The following FBXL5 variants were observed in gnomAD, a reference collection of about 807,000 sequenced individuals.
FBXL5 encodes F-box and leucine rich repeat protein 5.
FBXL5 carries 26 observed loss-of-function variants against 78.3 expected under a neutral mutation model. The ratio of observed to expected loss-of-function variants is 0.33; its 90% CI spans 0.24 to 0.46. The LOEUF is 0.46. FBXL5 is among the 20% of genes least tolerant of loss of function. The pLI is 1.00. For synonymous variants in FBXL5, 295 were observed against 282.5 expected, an observed-to-expected ratio of 1.04 and a Z score of -0.45; for missense variants, 710 against 829.2, an observed-to-expected ratio of 0.86 and a Z score of 1.77.
intron 10 of FBXL5, among the ~76,000 whole-genome samples, chr4:15,606,832 A>G (rs1721918664): frequency 6.6e-6 from 1 of 152,232 alleles, no homozygotes; most frequent in South Asian, 2.1e-4. Flanking sequence ...CTCTGGGGTG[A>G]TATCTAGCTT....
intron 9 of FBXL5, among the ~76,000 whole-genome samples, chr4:15,622,106 T>TA (rs370096936): frequency 5.1e-4 from 78 of 152,336 alleles, no homozygotes; most frequent in African/African-American, 1.8e-3. Flanking sequence ...GTGCTGGGAT[T>TA]ACAGGTGTAA....
At chr4:15,654,939 C>T in intron 1 of FBXL5, among the ~76,000 whole-genome samples, 1 of 151,942 alleles carries the variant, frequency 6.6e-6, no homozygotes. Context: ...CCGGTAGCGC[C>T]CCTCCTCAGC....
intron 6 of FBXL5, 132 bp downstream of exon 6, chr4:15,630,534 A>T (rs182345236): frequency 6.9e-6 from 5 of 726,326 alleles, no homozygotes; most frequent in Non-Finnish European, 9.9e-6. Context: ...AAATTTTAAA[A>T]AGTAGTAGGC....
At chr4:15,650,775 G>A (rs1039171215) in intron 1 of FBXL5, among the ~76,000 whole-genome samples, 1 of 149,172 alleles carries the variant, frequency 6.7e-6, no homozygotes, top group Admixed American at 6.8e-5. Flanking sequence ...TGGGATTACA[G>A]GACCCCGCCA....
chr4:15,655,344 C>G lies in FBXL5; in HGVS notation c.-57G>C, dbSNP rs903036267. ...GCGGCCGCCGCCTCTCCATAGACAC[C>G]CTCGCCGCGGGGCAGAGGCGGCGCG... On this transcript the variant is annotated 5_prime_UTR_variant, in exon 1 of 11. Coordinates refer to ENST00000341285, the MANE Select transcript of FBXL5 (RefSeq NM_012161.4). The G allele has an allele frequency of 3.1e-6, 4 of 1,286,832 alleles. No homozygotes were observed. In the African/African-American group the frequency reaches 6.3e-5, roughly 20 times the overall value. The allele number at this position is 1,286,832 out of a possible 1,614,324, so 79.7% of individuals were successfully genotyped here.
intron 10 of FBXL5, among the ~76,000 whole-genome samples, chr4:15,610,377 G>A (rs930733431): frequency 2.0e-5 from 3 of 152,040 alleles, no homozygotes; most frequent in Non-Finnish European, 4.4e-5. Context: ...CCCAAATCAT[G>A]CTTCAATAAG....
chr4:15,662,217 CGT>C (rs1043956129), upstream of FBXL5, among the ~76,000 whole-genome samples: 1 of 152,086 alleles, frequency 6.6e-6, no homozygotes, highest in African/African-American at 2.4e-5. Context: ...GCTGGCTAAA[CGT>C]GGTCCAGAAC....
chr4:15,669,954 A>T (rs1717693190), intron 1 of FBXL5, among the ~76,000 whole-genome samples: 1 of 152,218 alleles, frequency 6.6e-6, no homozygotes, highest in South Asian at 2.1e-4. Flanking sequence ...TGCTCCTGAA[A>T]TTTTGCAACA....
upstream of FBXL5, chr4:15,655,503 C>G: frequency 4.4e-6 from 2 of 453,228 alleles, no homozygotes; most frequent in Non-Finnish European, 5.8e-6. Flanking sequence ...AGGCTCGCGG[C>G]TTCTGCCTCC....
intron 1 of FBXL5, among the ~76,000 whole-genome samples, chr4:15,650,004 T>G (rs1715792702): frequency 6.6e-6 from 1 of 152,132 alleles, no homozygotes; most frequent in Admixed American, 6.5e-5. Flanking sequence ...GAGAGTAAAT[T>G]GTCAGAAAGA....
intron 6 of FBXL5, 107 bp from the exon 7 acceptor site, chr4:15,628,140 A>G (rs1440815729): frequency 6.3e-6 from 7 of 1,110,284 alleles, no homozygotes; most frequent in Non-Finnish European, 8.9e-6. Flanking sequence ...CTATCCTTAT[A>G]CTTTCTTATG....
At chr4:15,626,304 G>A (rs35258636) in intron 8 of FBXL5, among the ~76,000 whole-genome samples, 18,188 of 152,194 alleles carry the variant, frequency 0.12, 1,236 homozygotes, top group Non-Finnish European at 0.15. Flanking sequence ...AATAACCGAC[G>A]GTTAATGAGG....
intron 9 of FBXL5, among the ~76,000 whole-genome samples, chr4:15,619,793 A>G (rs1712295434): frequency 6.6e-6 from 1 of 152,222 alleles, no homozygotes; most frequent in Non-Finnish European, 1.5e-5. Flanking sequence ...GTTGAGCCTC[A>G]GCAACAAGTA....
chr4:15,621,968 A>C (rs1202653812), intron 9 of FBXL5, among the ~76,000 whole-genome samples: 1 of 152,154 alleles, frequency 6.6e-6, no homozygotes, highest in Non-Finnish European at 1.5e-5. Context: ...AGCTGGAACT[A>C]CAGGTGCATG....
chr4:15,651,432 C>T (rs1033544638), intron 1 of FBXL5, among the ~76,000 whole-genome samples: 1 of 152,102 alleles, frequency 6.6e-6, no homozygotes, highest in African/African-American at 2.4e-5. Flanking sequence ...TTAAGTAGTT[C>T]GTGAAGATTA....
At chr4:15,652,790 A>G (rs1414953152) in intron 1 of FBXL5, among the ~76,000 whole-genome samples, 1 of 152,208 alleles carries the variant, frequency 6.6e-6, no homozygotes, top group Non-Finnish European at 1.5e-5. Flanking sequence ...ATAACTGGGC[A>G]TTCAGAGCCC....
chr4:15,611,895 A>T (rs1365094959), intron 10 of FBXL5: 1 of 156,096 alleles, frequency 6.4e-6, no homozygotes, highest in East Asian at 1.9e-4. Context: ...TATCCCTAAG[A>T]AATCAGTGTA....
intron 10 of FBXL5, among the ~76,000 whole-genome samples, chr4:15,608,894 C>G (rs993835264): frequency 3.9e-5 from 6 of 152,126 alleles, no homozygotes; most frequent in African/African-American, 1.4e-4. Flanking sequence ...TGAAGACAAG[C>G]ACTGTTTTAA....
chr4:15,621,434 G>A (rs1712470423), intron 9 of FBXL5, among the ~76,000 whole-genome samples: 1 of 152,062 alleles, frequency 6.6e-6, no homozygotes, highest in South Asian at 2.1e-4. Flanking sequence ...ATGGAAACAA[G>A]AATTCAAGTA....
Sources: gnomAD v4.1 joint callset for allele counts (sites outside exome capture counted in the v4.1 genomes callset) on GRCh38, gnomAD v4.1.1 for gene constraint, MANE v1.5 for transcripts, NCBI Gene and HGNC (gene_info 2026-07-23, HGNC 2026-07-21) for gene names.